Variants in ADCY8 observed in about 807,000 individuals in gnomAD.
ADCY8 encodes adenylate cyclase type 8.
A neutral mutation model predicts 119.7 loss-of-function variants in ADCY8; 51 were observed. The observed-to-expected ratio is 0.43, with a 90% CI of 0.34 to 0.54. The LOEUF is 0.54. Among genes scored for constraint, ADCY8 ranks in the 20% least tolerant of loss-of-function variants. The probability of loss-of-function intolerance (pLI) is 0.03; values close to 1 mark genes in which losing one functional copy is unlikely to be tolerated. For synonymous variants in ADCY8, 665 were observed against 651.0 expected (o/e 1.02, Z -0.33); for missense variants, 1,383 against 1,598.8 (o/e 0.87, Z 2.30).
At chr8:130,937,864 C>G (rs1820835520) in intron 4 of ADCY8, among the ~76,000 whole-genome samples, 1 of 152,088 alleles carries the variant, frequency 6.6e-6, no homozygotes, top group African/African-American at 2.4e-5. Context: ...ATAAATAAAA[C>G]AGAGTTAATC....
At chr8:130,911,469 C>A (rs1410598762) in intron 5 of ADCY8, among the ~76,000 whole-genome samples, 1 of 151,868 alleles carries the variant, frequency 6.6e-6, no homozygotes. Context: ...ATAAATTGAA[C>A]TTAAAACCTG....
chr8:130,855,233 G>T (rs555721225), intron 9 of ADCY8, among the ~76,000 whole-genome samples: 1 of 151,748 alleles, frequency 6.6e-6, no homozygotes, highest in African/African-American at 2.4e-5. Flanking sequence ...GAAGAAATGC[G>T]AGTGAAAAGC....
intron 1 of ADCY8, among the ~76,000 whole-genome samples, chr8:131,029,439 T>C (rs922747311): frequency 1.3e-5 from 2 of 152,122 alleles, no homozygotes; most frequent in African/African-American, 4.8e-5. Flanking sequence ...GGACTGCAGC[T>C]ATAAAAGCAA....
rs776253919 is a variant in ADCY8 at position 130,849,572 on chromosome 8, C to T, written c.2412+30G>A. On this transcript the variant is annotated intron_variant, in intron 10 of 17. Coordinates refer to ENST00000286355, the MANE Select transcript of ADCY8 (RefSeq NM_001115.3). ...TTCATGCTCAACTGCACACTAGACA[C>T]CAGAGGGTTGGTGGATGTGGGATGC... 11 of 1,610,840 alleles carry T rather than the reference C, an allele frequency of 6.8e-6. No individual in the cohort carries two copies. The East Asian group carries it at 2.5e-4, about 36-fold the overall frequency.
chr8:130,966,651 G>T (rs114657486), intron 2 of ADCY8, among the ~76,000 whole-genome samples: 2 of 152,168 alleles, frequency 1.3e-5, no homozygotes, highest in Non-Finnish European at 2.9e-5. Flanking sequence ...CATAGTAGAG[G>T]AATAATGCAC....
chr8:130,945,461 C>T (rs1395509148), intron 3 of ADCY8, among the ~76,000 whole-genome samples: 1 of 152,188 alleles, frequency 6.6e-6, no homozygotes, highest in Non-Finnish European at 1.5e-5. Context: ...TCTTAGCTCA[C>T]CACTTAGGAA....
At chr8:130,961,910 G>T (rs973504990) in intron 2 of ADCY8, among the ~76,000 whole-genome samples, 1 of 152,164 alleles carries the variant, frequency 6.6e-6, no homozygotes, top group Non-Finnish European at 1.5e-5. Context: ...AGGAGTTCAA[G>T]GCTGCAGCGA....
chr8:131,032,698 C>A (rs879499510), intron 1 of ADCY8, among the ~76,000 whole-genome samples: 1 of 152,166 alleles, frequency 6.6e-6, no homozygotes, highest in Non-Finnish European at 1.5e-5. Context: ...GAAAATCTGG[C>A]TTCCGAAGCA....
intron 11 of ADCY8, among the ~76,000 whole-genome samples, chr8:130,844,681 C>T (rs943142236): frequency 2.6e-5 from 4 of 152,148 alleles, no homozygotes; most frequent in African/African-American, 7.2e-5. Flanking sequence ...TACACATGCA[C>T]ACGTATATGC....
intron 14 of ADCY8, among the ~76,000 whole-genome samples, chr8:130,812,770 G>A (rs758626644): frequency 2.7e-4 from 41 of 152,136 alleles, no homozygotes; most frequent in Non-Finnish European, 5.9e-4. Flanking sequence ...AATGGGCTAA[G>A]AAGATATATA....
chr8:130,941,355 G>A (rs184438194), intron 4 of ADCY8, among the ~76,000 whole-genome samples: 54 of 152,124 alleles, frequency 3.5e-4, no homozygotes, highest in Admixed American at 2.6e-4. Flanking sequence ...TCAGTCTTGC[G>A]CAGTACCTGA....
chr8:130,781,376 CCT>C (rs1206978336), intron 17 of ADCY8, among the ~76,000 whole-genome samples: 1 of 152,158 alleles, frequency 6.6e-6, no homozygotes, highest in Non-Finnish European at 1.5e-5. Context: ...AACTGTCCTC[CCT>C]GTCTCCTCCC....
At chr8:130,869,941 CTT>C (rs1491329424) in intron 8 of ADCY8, among the ~76,000 whole-genome samples, 1 of 119,296 alleles carries the variant, frequency 8.4e-6, no homozygotes, top group African/African-American at 3.1e-5. Flanking sequence ...TCCTCCTCCT[CTT>C]CTTCTTCTTC....
At position 130,884,703 on chromosome 8, in the gene ADCY8, G is replaced by C; in HGVS notation, c.1970C>G (p.Ala657Gly). The C allele has an allele frequency of 6.2e-7, 1 of 1,613,916 alleles. No individual in the cohort carries two copies. The highest frequency in any genetic ancestry group is 8.5e-7 in the Non-Finnish European group (1 of 1,179,836). The change falls in exon 8 of 18, where the codon GCT becomes GGT. Residue 657 changes from alanine to glycine, a missense_variant. By Grantham distance (60) the Ala-to-Gly change is moderately conservative (BLOSUM62 0). Transcript: ENST00000286355. ...INLLPNHLAQ[A>G]LHVQSGPEEI... is the part of the protein sequence containing the mutation. ...CTCAGGCCCAGACTGGACATGCAAAGCTTGTGCAAGATGGTTTGGAAGCAG... is the reference window on the plus strand; with the variant it reads ...CTCAGGCCCAGACTGGACATGCAAACCTTGTGCAAGATGGTTTGGAAGCAG...
chr8:130,812,437 G>A (rs957799385), intron 14 of ADCY8, among the ~76,000 whole-genome samples: 1 of 152,214 alleles, frequency 6.6e-6, no homozygotes, highest in African/African-American at 2.4e-5. Flanking sequence ...GTCTTTGCAG[G>A]TGTAATTAAG....
intron 2 of ADCY8, among the ~76,000 whole-genome samples, chr8:130,954,026 G>T (rs754573284): frequency 6.6e-6 from 1 of 152,190 alleles, no homozygotes; most frequent in Non-Finnish European, 1.5e-5. Flanking sequence ...GCTGTGAGGG[G>T]CACTAGTGCT....
intron 9 of ADCY8, among the ~76,000 whole-genome samples, chr8:130,850,569 A>C (rs1031508971): frequency 6.6e-6 from 1 of 152,152 alleles, no homozygotes; most frequent in South Asian, 2.1e-4. Context: ...GTAGCCATTC[A>C]TGTTCTACAC....
intron 1 of ADCY8, among the ~76,000 whole-genome samples, chr8:131,022,396 G>C (rs1168435221): frequency 7.2e-5 from 11 of 152,110 alleles, no homozygotes. Flanking sequence ...TCTTGTGTTA[G>C]TTTGCTGAGA....
chr8:131,025,278 C>G (rs537900008), intron 1 of ADCY8, among the ~76,000 whole-genome samples: 3 of 152,084 alleles, frequency 2.0e-5, no homozygotes, highest in Non-Finnish European at 4.4e-5. Flanking sequence ...CTTATTGCCT[C>G]TGAAATGAGC....
Sources: allele counts gnomAD v4.1 joint callset (sites outside exome capture counted in the v4.1 genomes callset), GRCh38; gene constraint gnomAD v4.1.1; transcripts MANE v1.5; gene names NCBI Gene and HGNC (gene_info 2026-07-23, HGNC 2026-07-21).